The following PTPRD variants were observed in gnomAD, a reference collection of about 807,000 sequenced individuals.
PTPRD encodes receptor-type tyrosine-protein phosphatase delta.
A neutral mutation model predicts 214.5 loss-of-function variants in PTPRD; 34 were observed. The observed-to-expected ratio is 0.16, with a 90% CI of 0.12 to 0.21. The LOEUF is 0.21. Ranked by LOEUF, PTPRD falls within the 10% of genes least tolerant of loss-of-function variation. The pLI is 1.00. For missense variants in PTPRD, 2,545 were observed against 2,398.7 expected, an observed-to-expected ratio of 1.06 and a Z score of -1.27; for synonymous variants, 1,128 against 845.7, an observed-to-expected ratio of 1.33 and a Z score of -5.79.
chr9:9,110,996 A>G (rs1249508166), intron 10 of PTPRD, among the ~76,000 whole-genome samples: 3 of 152,002 alleles, frequency 2.0e-5, no homozygotes, highest in Admixed American at 2.0e-4. Flanking sequence ...AGCTTTACCG[A>G]TCTCTGTGAT....
intron 8 of PTPRD, among the ~76,000 whole-genome samples, chr9:9,478,440 T>C (rs2095223220): frequency 1.3e-5 from 2 of 152,222 alleles, no homozygotes; most frequent in African/African-American, 4.8e-5. Flanking sequence ...ATGTGAGGCA[T>C]AGTGCTAAGT....
chr9:8,913,648 T>C (rs1484865208), intron 11 of PTPRD, among the ~76,000 whole-genome samples: 1 of 152,114 alleles, frequency 6.6e-6, no homozygotes, highest in Non-Finnish European at 1.5e-5. Flanking sequence ...AATGAGCTTC[T>C]TATTAAGGCA....
chr9:10,203,777 AT>A (rs2154335921), intron 3 of PTPRD, among the ~76,000 whole-genome samples: 1 of 152,296 alleles, frequency 6.6e-6, no homozygotes, highest in East Asian at 1.9e-4. Flanking sequence ...ACCATTCTGT[AT>A]TACAAACTTC....
At chr9:10,025,316 C>T (rs544704642) in intron 4 of PTPRD, among the ~76,000 whole-genome samples, 2 of 152,258 alleles carry the variant, frequency 1.3e-5, no homozygotes, top group South Asian at 2.1e-4. Flanking sequence ...TTTTAATGAT[C>T]GCCATTCTAA....
intron 5 of PTPRD, among the ~76,000 whole-genome samples, chr9:9,875,710 G>A (rs2066655366): frequency 6.6e-6 from 1 of 152,012 alleles, no homozygotes; most frequent in South Asian, 2.1e-4. Flanking sequence ...CTAGACAGCT[G>A]AACTAAAAGC....
chr9:9,072,263 A>G (rs2154410528), intron 10 of PTPRD, among the ~76,000 whole-genome samples: 1 of 149,140 alleles, frequency 6.7e-6, no homozygotes, highest in South Asian at 2.1e-4. Flanking sequence ...TTTCTCACGA[A>G]CAAAGAGCTG....
At chr9:10,111,598 C>T (rs188068709) in intron 3 of PTPRD, among the ~76,000 whole-genome samples, 1 of 152,264 alleles carries the variant, frequency 6.6e-6, no homozygotes, top group African/African-American at 2.4e-5. Flanking sequence ...TTGGCCACTT[C>T]AGTGACTCCT....
chr9:10,538,571 G>C (rs2058402931), intron 2 of PTPRD, among the ~76,000 whole-genome samples: 1 of 151,834 alleles, frequency 6.6e-6, no homozygotes, highest in South Asian at 2.1e-4. Flanking sequence ...TACATGATTG[G>C]TTTTCTGACT....
chr9:8,704,883 A>AT (rs2098171226), intron 12 of PTPRD, among the ~76,000 whole-genome samples: 2 of 152,038 alleles, frequency 1.3e-5, no homozygotes, highest in South Asian at 4.2e-4. Flanking sequence ...AGATCATGCC[A>AT]TTGCACTCTA....
intron 2 of PTPRD, among the ~76,000 whole-genome samples, chr9:10,492,860 C>G (rs1318273165): frequency 6.6e-6 from 1 of 152,012 alleles, no homozygotes; most frequent in African/African-American, 2.4e-5. Flanking sequence ...ACGTTTAAAT[C>G]TCAGCCCTAA....
At chr9:9,821,174 T>G (rs532782527) in intron 5 of PTPRD, among the ~76,000 whole-genome samples, 1 of 152,280 alleles carries the variant, frequency 6.6e-6, no homozygotes, top group East Asian at 1.9e-4. Context: ...TATACGTGGC[T>G]ACTATAAATG....
At chr9:10,585,811 T>A (rs1190168316) in intron 2 of PTPRD, among the ~76,000 whole-genome samples, 2 of 151,908 alleles carry the variant, frequency 1.3e-5, no homozygotes, top group African/African-American at 4.8e-5. Context: ...AATACCTGAT[T>A]TATTTCCAGT....
At chr9:9,218,638 G>A (rs1177195806) in intron 9 of PTPRD, among the ~76,000 whole-genome samples, 2 of 152,118 alleles carry the variant, frequency 1.3e-5, no homozygotes, top group African/African-American at 4.8e-5. Context: ...GGTGAGCACT[G>A]TAACTAAATC....
chr9:10,576,456 G>A (rs1268626241), intron 2 of PTPRD, among the ~76,000 whole-genome samples: 4 of 151,808 alleles, frequency 2.6e-5, no homozygotes, highest in African/African-American at 9.7e-5. Context: ...ATGATTTTTG[G>A]GCAAGAAATT....
intron 4 of PTPRD, among the ~76,000 whole-genome samples, chr9:9,976,625 T>C (rs886240607): frequency 7.5e-6 from 1 of 132,976 alleles, no homozygotes; most frequent in Admixed American, 8.7e-5. Context: ...TAACCTCAGG[T>C]GATCCCCCGC....
chr9:10,477,553 C>A (rs2099071077), intron 2 of PTPRD, among the ~76,000 whole-genome samples: 1 of 152,072 alleles, frequency 6.6e-6, no homozygotes, highest in Non-Finnish European at 1.5e-5. Context: ...TTAGTTCGAC[C>A]ATTGTGGAAG....
intron 2 of PTPRD, among the ~76,000 whole-genome samples, chr9:10,360,945 AC>A (rs1447799704): frequency 6.4e-4 from 98 of 152,034 alleles, no homozygotes; most frequent in Non-Finnish European, 5.1e-4. Flanking sequence ...TACTAAAAAT[AC>A]AAAAAATTAG....
intron 12 of PTPRD, among the ~76,000 whole-genome samples, chr9:8,708,921 A>G (rs1177875806): frequency 6.6e-6 from 1 of 152,146 alleles, no homozygotes; most frequent in African/African-American, 2.4e-5. Context: ...GCCTTTAAAA[A>G]AAGAATGAAA....
At chr9:8,904,285 T>C (rs928626725) in intron 11 of PTPRD, among the ~76,000 whole-genome samples, 2 of 152,354 alleles carry the variant, frequency 1.3e-5, no homozygotes, top group East Asian at 1.9e-4. Flanking sequence ...AAATTTAAGA[T>C]TGATATGATG....
Sources: gnomAD v4.1 joint callset for allele counts (sites outside exome capture counted in the v4.1 genomes callset) on GRCh38, gnomAD v4.1.1 for gene constraint, MANE v1.5 for transcripts, NCBI Gene and HGNC (gene_info 2026-07-23, HGNC 2026-07-21) for gene names.